Variants in KAZN observed in about 807,000 individuals in gnomAD.
KAZN encodes the protein kazrin, periplakin interacting protein.
In KAZN, 40 loss-of-function variants were observed where a neutral mutation model predicts 87.4. The ratio of observed to expected loss-of-function variants is 0.46; its 90% CI spans 0.36 to 0.60. The LOEUF (loss-of-function observed/expected upper bound fraction) is 0.60, where lower values mean the gene tolerates loss of function less well. Among genes scored for constraint, KAZN ranks in the 20% least tolerant of loss-of-function variants. KAZN has a pLI of 0.00. For synonymous variants in KAZN, 466 were observed against 458.3 expected (o/e 1.02, Z -0.22); for missense variants, 898 against 1,073.9 (o/e 0.84, Z 2.29).
intron 2 of KAZN, among the ~76,000 whole-genome samples, chr1:14,210,996 T>C (rs928863269): frequency 6.6e-6 from 1 of 152,004 alleles, no homozygotes; most frequent in Non-Finnish European, 1.5e-5. Flanking sequence ...AATTATAGAT[T>C]ATTATAATTA....
At position 14,024,776 on chromosome 1, in the gene KAZN, C is replaced by G. The variant is rs117293458; in HGVS notation, c.91+131020C>G. On this transcript the variant is annotated intron_variant, in intron 1 of 16. Transcript: ENST00000636203. ...AGCTGGGCTATTCAAAGTTGAGGAT[C>G]TCAACCTTGGCTTGCATATTAGAAT... Among the ~76,000 whole-genome samples, 96 of 151,998 alleles carry G rather than the reference C, an allele frequency of 6.3e-4. 1 individual carries two copies. In the East Asian group the frequency reaches 0.017, roughly 27 times the overall value.
At chr1:15,041,716 G>T (rs1480435842) in intron 3 of KAZN, among the ~76,000 whole-genome samples, 5 of 151,974 alleles carry the variant, frequency 3.3e-5, no homozygotes, top group Admixed American at 3.3e-4. Context: ...GTCATCCAAG[G>T]CCCCATGAGG....
At chr1:14,666,358 ACTTGCATTTG>A (rs1315493996) in intron 1 of KAZN, among the ~76,000 whole-genome samples, 5 of 152,294 alleles carry the variant, frequency 3.3e-5, no homozygotes, top group Admixed American at 3.3e-4. Flanking sequence ...CAGGAATAGG[ACTTGCATTTG>A]CTTGTCTATA....
intron 2 of KAZN, among the ~76,000 whole-genome samples, chr1:14,334,815 GA>G (rs1224535591): frequency 6.6e-6 from 1 of 152,170 alleles, no homozygotes; most frequent in Non-Finnish European, 1.5e-5. Context: ...GAGAGAGACA[GA>G]AGCAGAGAGA....
chr1:14,510,911 A>G (rs564952858), intron 2 of KAZN, among the ~76,000 whole-genome samples: 14 of 152,300 alleles, frequency 9.2e-5, no homozygotes, highest in African/African-American at 3.4e-4. Context: ...GCAAATTCTC[A>G]TCTGCTTTTT....
At chr1:14,004,763 C>T (rs1639963231) in intron 1 of KAZN, among the ~76,000 whole-genome samples, 1 of 13,484 alleles carries the variant, frequency 7.4e-5, no homozygotes, top group South Asian at 1.3e-3. Context: ...TACTTAATCT[C>T]CCTGGCAGTA....
chr1:14,513,622 A>G (rs1192777734), intron 2 of KAZN, among the ~76,000 whole-genome samples: 5 of 152,224 alleles, frequency 3.3e-5, no homozygotes, highest in African/African-American at 9.6e-5. Flanking sequence ...CTGATTAACA[A>G]AAGAGAAAAC....
At chr1:14,914,980 C>T (rs1438518953) in intron 1 of KAZN, among the ~76,000 whole-genome samples, 2 of 152,106 alleles carry the variant, frequency 1.3e-5, no homozygotes, top group Non-Finnish European at 2.9e-5. Context: ...CACCTGAGGT[C>T]AGGAGTTCGA....
intron 1 of KAZN, among the ~76,000 whole-genome samples, chr1:14,738,686 A>G (rs1643990003): frequency 6.6e-6 from 1 of 152,138 alleles, no homozygotes; most frequent in African/African-American, 2.4e-5. Context: ...GGAACTGTGT[A>G]CAAGGTCCTT....
At chr1:14,050,845 C>T (rs72859501) in intron 1 of KAZN, among the ~76,000 whole-genome samples, 7 of 152,268 alleles carry the variant, frequency 4.6e-5, no homozygotes, top group African/African-American at 9.6e-5. Context: ...GGCCCACTGC[C>T]GCATCCTCAG....
At chr1:14,652,614 C>T (rs1638500808) in intron 1 of KAZN, among the ~76,000 whole-genome samples, 1 of 93,196 alleles carries the variant, frequency 1.1e-5, no homozygotes, top group Admixed American at 1.2e-4. Flanking sequence ...CTCATGCACC[C>T]ACTCATCCAC....
At chr1:14,927,588 G>A (rs1173718225) in intron 1 of KAZN, among the ~76,000 whole-genome samples, 3 of 152,140 alleles carry the variant, frequency 2.0e-5, no homozygotes, top group Admixed American at 1.3e-4. Context: ...GGGTGTTGCC[G>A]ATCAGCTAAA....
At chr1:14,218,052 T>C (rs915611114) in intron 2 of KAZN, among the ~76,000 whole-genome samples, 1 of 152,096 alleles carries the variant, frequency 6.6e-6, no homozygotes, top group Admixed American at 6.6e-5. Flanking sequence ...CCAAATTAAC[T>C]AGAGAGTTAT....
intron 1 of KAZN, chr1:14,946,000 C>A: frequency 1.4e-6 from 1 of 734,716 alleles, no homozygotes; most frequent in Non-Finnish European, 1.7e-6. Flanking sequence ...TGTCCTCAGG[C>A]ATTGGCACAG....
At chr1:14,353,471 G>A (rs571720472) in intron 2 of KAZN, among the ~76,000 whole-genome samples, 13 of 151,772 alleles carry the variant, frequency 8.6e-5, no homozygotes, top group African/African-American at 2.7e-4. Flanking sequence ...CACCCTCCTC[G>A]GCCTCCCAAA....
chr1:14,676,445 G>A (rs2078313), intron 1 of KAZN, among the ~76,000 whole-genome samples: 63,339 of 151,986 alleles, frequency 0.42, 13,984 homozygotes, highest in East Asian at 0.53. Flanking sequence ...CTCAGTTCCC[G>A]TCTCTGTGAT....
chr1:14,423,172 C>T (rs866200571), intron 2 of KAZN, among the ~76,000 whole-genome samples: 31 of 152,286 alleles, frequency 2.0e-4, no homozygotes, highest in African/African-American at 6.3e-4. Flanking sequence ...ATTTGAGAAA[C>T]ATTGTCTTGA....
chr1:14,453,612 G>T (rs1667404001), intron 2 of KAZN, among the ~76,000 whole-genome samples: 1 of 152,268 alleles, frequency 6.6e-6, no homozygotes, highest in Non-Finnish European at 1.5e-5. Flanking sequence ...AAGGTGGGCG[G>T]ATCACTTGAG....
intron 13 of KAZN, among the ~76,000 whole-genome samples, chr1:15,110,828 C>A (rs926044637): frequency 3.3e-5 from 5 of 152,248 alleles, no homozygotes; most frequent in African/African-American, 1.2e-4. Flanking sequence ...GACACACCCC[C>A]TCTTTGGTCT....
Sources: allele counts gnomAD v4.1 joint callset (sites outside exome capture counted in the v4.1 genomes callset), GRCh38; gene constraint gnomAD v4.1.1; transcripts MANE v1.5; gene names NCBI Gene and HGNC (gene_info 2026-07-23, HGNC 2026-07-21).